Variants in GALNT13 observed in about 807,000 individuals in gnomAD.
The protein encoded by GALNT13 is polypeptide N-acetylgalactosaminyltransferase 13.
A neutral mutation model predicts 64.2 loss-of-function variants in GALNT13; 28 were observed. That is an observed-to-expected ratio of 0.44 (90% CI 0.32 to 0.60). The LOEUF (loss-of-function observed/expected upper bound fraction) is 0.60, where lower values mean the gene tolerates loss of function less well. Ranked by LOEUF, GALNT13 falls within the 20% of genes least tolerant of loss-of-function variation. The probability of loss-of-function intolerance (pLI) is 0.05; values close to 1 mark genes in which losing one functional copy is unlikely to be tolerated. For missense variants in GALNT13, 577 were observed against 669.8 expected (o/e 0.86, Z 1.53); for synonymous variants, 214 against 224.6 (o/e 0.95, Z 0.42).
the GALNT13 span, among the ~76,000 whole-genome samples, chr2:153,820,667 A>G: frequency 2.6e-5 from 4 of 152,198 alleles, no homozygotes; most frequent in Non-Finnish European, 2.9e-5. Context: ...GAAAACACTT[A>G]GAAAATATGT....
chr2:154,140,175 T>C (rs960429790), intron 3 of GALNT13, among the ~76,000 whole-genome samples, 162 bp from the exon 4 acceptor site: 1 of 152,086 alleles, frequency 6.6e-6, no homozygotes, highest in African/African-American at 2.4e-5. Flanking sequence ...TGTTTTTCTT[T>C]AGCAGAGTGT....
At chr2:153,608,554 G>A in the GALNT13 span, among the ~76,000 whole-genome samples, 4 of 151,178 alleles carry the variant, frequency 2.6e-5, no homozygotes, top group African/African-American at 9.7e-5. Flanking sequence ...GCTGTTGCCT[G>A]ATAATATCAA....
chr2:153,437,232 T>A, the GALNT13 span, among the ~76,000 whole-genome samples: 2,183 of 151,568 alleles, frequency 0.014, 52 homozygotes, highest in African/African-American at 0.046. Context: ...TGCTGAGGAG[T>A]GCTTTACTTC....
At chr2:153,596,197 G>A in the GALNT13 span, among the ~76,000 whole-genome samples, 1 of 152,202 alleles carries the variant, frequency 6.6e-6, no homozygotes, top group African/African-American at 2.4e-5. Flanking sequence ...CTGAGAGGGA[G>A]TGTTCCAAAT....
chr2:153,967,758 G>A (rs1304709827), intron 3 of GALNT13, among the ~76,000 whole-genome samples: 3 of 151,970 alleles, frequency 2.0e-5, no homozygotes, highest in African/African-American at 7.3e-5. Flanking sequence ...CTGTCTGTCT[G>A]CCCCGGATAT....
chr2:153,862,702 C>A, the GALNT13 span, among the ~76,000 whole-genome samples: 1 of 151,900 alleles, frequency 6.6e-6, no homozygotes, highest in African/African-American at 2.4e-5. Context: ...AAGAAATATA[C>A]ATATGATGTA....
At position 154,355,065 on chromosome 2, in the gene GALNT13, G is replaced by A. The variant is rs533617482; in HGVS notation, c.1157-40926G>A. On this transcript the variant is annotated intron_variant, in intron 9 of 12. Coordinates refer to ENST00000392825, the MANE Select transcript of GALNT13 (RefSeq NM_052917.4). ...CCTTTTCTTTTGTGGACTGATTTTG[G>A]CCTTACAAATGACCTTAAGCTTTTC... 2.6e-5 allele frequency among the ~76,000 whole-genome samples: 4 copies of A among 151,890 alleles called. No individual in the cohort carries two copies. In the East Asian group the frequency reaches 7.8e-4, roughly 29 times the overall value.
chr2:153,373,132 T>TTGTGTG, the GALNT13 span, among the ~76,000 whole-genome samples: 1,966 of 148,818 alleles, frequency 0.013, 25 homozygotes, highest in African/African-American at 0.018. Context: ...TTCTGTTGCT[T>TTGTGTG]TGTGTGTGTG....
At chr2:153,239,820 A>G in the GALNT13 span, among the ~76,000 whole-genome samples, 1 of 152,132 alleles carries the variant, frequency 6.6e-6, no homozygotes, top group Admixed American at 6.6e-5. Context: ...GTTTGGTATC[A>G]GGTTAATATT....
intron 3 of GALNT13, among the ~76,000 whole-genome samples, chr2:154,126,642 C>CAA (rs61506112): frequency 0.043 from 5,568 of 130,626 alleles, 153 homozygotes; most frequent in African/African-American, 0.073. Flanking sequence ...CTCAAAAAAA[C>CAA]AAAAAAAAAA....
At chr2:153,221,029 A>T in the GALNT13 span, among the ~76,000 whole-genome samples, 2 of 152,178 alleles carry the variant, frequency 1.3e-5, no homozygotes, top group African/African-American at 4.8e-5. Context: ...AATGTAACTA[A>T]TAAGTCCTCT....
chr2:153,592,803 A>G, the GALNT13 span: 8,504 of 152,368 alleles, frequency 0.056, 340 homozygotes, highest in African/African-American at 0.11. Context: ...TCTCCGGAAC[A>G]CACACCCCCA....
the GALNT13 span, chr2:153,370,632 G>A: frequency 6.6e-6 from 1 of 152,148 alleles, no homozygotes; most frequent in East Asian, 1.9e-4. Context: ...AGGCAAAGAA[G>A]CCCCTGCTCT....
At chr2:153,723,410 C>G in the GALNT13 span, among the ~76,000 whole-genome samples, 6 of 150,064 alleles carry the variant, frequency 4.0e-5, no homozygotes, top group African/African-American at 1.3e-4. Flanking sequence ...GGGATGCCCT[C>G]TCTCACCGCT....
At chr2:153,183,910 C>T in the GALNT13 span, among the ~76,000 whole-genome samples, 2 of 152,166 alleles carry the variant, frequency 1.3e-5, no homozygotes, top group African/African-American at 4.8e-5. Flanking sequence ...GGCTTGATGC[C>T]TCCAGCTTTG....
chr2:154,403,817 C>A (rs1017685742), intron 10 of GALNT13, among the ~76,000 whole-genome samples: 1 of 152,156 alleles, frequency 6.6e-6, no homozygotes, highest in Non-Finnish European at 1.5e-5. Flanking sequence ...CCTTCCAGGC[C>A]TCCGTTCTAA....
the GALNT13 span, among the ~76,000 whole-genome samples, chr2:153,276,482 A>G: frequency 2.0e-5 from 3 of 152,096 alleles, no homozygotes. Flanking sequence ...TGAATAGCCA[A>G]TATTTCCATA....
the GALNT13 span, among the ~76,000 whole-genome samples, chr2:153,302,722 A>AT: frequency 1.1e-4 from 16 of 152,062 alleles, no homozygotes; most frequent in Admixed American, 9.8e-4. Flanking sequence ...TTTTGAGTTG[A>AT]TTTTTTTGTA....
chr2:153,902,907 GCAGTTTA>G (rs1302861800), intron 2 of GALNT13, among the ~76,000 whole-genome samples: 18 of 152,082 alleles, frequency 1.2e-4, no homozygotes, highest in African/African-American at 3.9e-4. Flanking sequence ...CAGAGTCATT[GCAGTTTA>G]CCAGTGTACC....
Sources: gnomAD v4.1 joint callset for allele counts (sites outside exome capture counted in the v4.1 genomes callset) on GRCh38, gnomAD v4.1.1 for gene constraint, MANE v1.5 for transcripts, NCBI Gene and HGNC (gene_info 2026-07-23, HGNC 2026-07-21) for gene names.